ZNF385D: variants seen among roughly 807,000 people sequenced by gnomAD.
ZNF385D encodes the protein zinc finger protein 659.
In ZNF385D, 15 loss-of-function variants were observed where a neutral mutation model predicts 35.8. That is an observed-to-expected ratio of 0.42 (90% CI 0.28 to 0.64). The LOEUF (loss-of-function observed/expected upper bound fraction) is 0.64, where lower values mean the gene tolerates loss of function less well. Ranked by LOEUF, ZNF385D falls within the 30% of genes least tolerant of loss-of-function variation. The pLI, the probability that ZNF385D is intolerant of heterozygous loss-of-function variation, is 0.23. For synonymous variants in ZNF385D, 212 were observed against 186.8 expected (o/e 1.13, Z -1.10); for missense variants, 474 against 494.6 (o/e 0.96, Z 0.39).
chr3:22,117,654 A>G (rs1702881183), intron 3 of ZNF385D, among the ~76,000 whole-genome samples: 3 of 151,976 alleles, frequency 2.0e-5, no homozygotes, highest in African/African-American at 7.2e-5. Flanking sequence ...TTACTTTTAA[A>G]TAAACTTAAT....
intron 2 of ZNF385D, among the ~76,000 whole-genome samples, chr3:22,257,800 C>A (rs1449227406): frequency 2.6e-5 from 4 of 151,776 alleles, no homozygotes; most frequent in Admixed American, 1.3e-4. Context: ...TCTTATCAGG[C>A]ATGATTAAAA....
chr3:22,127,610 G>C (rs1038265556), intron 3 of ZNF385D, among the ~76,000 whole-genome samples: 2 of 151,886 alleles, frequency 1.3e-5, no homozygotes, highest in African/African-American at 4.8e-5. Flanking sequence ...AAAGTGCTAG[G>C]ATTACAGGCG....
At chr3:22,220,757 C>T (rs752903679) in intron 2 of ZNF385D, among the ~76,000 whole-genome samples, 104 of 152,112 alleles carry the variant, frequency 6.8e-4, no homozygotes, top group Non-Finnish European at 1.3e-3. Context: ...CTTCCATTTT[C>T]AACACAATCT....
At chr3:22,195,699 G>A (rs1696367651) in intron 2 of ZNF385D, among the ~76,000 whole-genome samples, 1 of 151,908 alleles carries the variant, frequency 6.6e-6, no homozygotes, top group African/African-American at 2.4e-5. Context: ...ACCAGCATTA[G>A]ATATTATTTA....
At chr3:22,111,726 T>C (rs565625803) in intron 3 of ZNF385D, among the ~76,000 whole-genome samples, 2 of 152,274 alleles carry the variant, frequency 1.3e-5, no homozygotes, top group Admixed American at 6.5e-5. Flanking sequence ...CGGATCAAAC[T>C]TTTATTTATT....
chr3:22,062,682 T>G (rs1472548799), intron 3 of ZNF385D, among the ~76,000 whole-genome samples: 1 of 152,216 alleles, frequency 6.6e-6, no homozygotes, highest in Non-Finnish European at 1.5e-5. Flanking sequence ...CTTAGTGACC[T>G]GCTTTTCAGG....
At chr3:22,090,636 G>T (rs1301809465) in intron 3 of ZNF385D, among the ~76,000 whole-genome samples, 1 of 152,142 alleles carries the variant, frequency 6.6e-6, no homozygotes, top group South Asian at 2.1e-4. Context: ...TACTTTGTGG[G>T]TTGAGTAAAT....
At chr3:21,621,875 G>C (rs2065017415) in intron 2 of ZNF385D, among the ~76,000 whole-genome samples, 1 of 151,718 alleles carries the variant, frequency 6.6e-6, no homozygotes. Context: ...CTGTGTGTGT[G>C]TGTGTGTGTG....
At chr3:21,669,479 CAG>C (rs1399086411) in intron 1 of ZNF385D, among the ~76,000 whole-genome samples, 3 of 152,106 alleles carry the variant, frequency 2.0e-5, no homozygotes. Flanking sequence ...AAAACAAAAA[CAG>C]AGTTACTAAT....
At chr3:21,782,126 A>G (rs1412793261) in intron 3 of ZNF385D, among the ~76,000 whole-genome samples, 1 of 152,006 alleles carries the variant, frequency 6.6e-6, no homozygotes. Context: ...AGCATAATTC[A>G]TTCAGAGACA....
intron 2 of ZNF385D, among the ~76,000 whole-genome samples, chr3:22,214,349 T>C (rs1697719891): frequency 6.6e-6 from 1 of 152,036 alleles, no homozygotes; most frequent in Admixed American, 6.6e-5. Flanking sequence ...ATAATTGCAT[T>C]AACTGCACAA....
Position 21,636,401 on chromosome 3 carries a change from TATATATATATATA to T in ZNF385D, c.165+28472_165+28484del, listed in dbSNP as rs1475496224. Reference sequence around the variant, plus strand: ...GATTATATATATATATATATATATATATATATATATATAGAGTTTCTTAAGGAGTATTAACTCA... The same window carrying T: ...GATTATATATATATATATATATATATGAGTTTCTTAAGGAGTATTAACTCA... On this transcript the variant is annotated intron_variant, in intron 2 of 7. Coordinates refer to ENST00000281523, the MANE Select transcript of ZNF385D (RefSeq NM_024697.3). Among the ~76,000 whole-genome samples the T allele has an allele frequency of 5.6e-3, 238 of 42,420 alleles. 5 individuals carry two copies. The highest frequency in any genetic ancestry group is 0.019 in the African/African-American group (185 of 9,816). The allele number at this position is 42,420 out of a possible 152,430, so 27.8% of individuals were successfully genotyped here.
chr3:21,492,545 G>A (rs1333031249), intron 4 of ZNF385D, among the ~76,000 whole-genome samples: 2 of 151,452 alleles, frequency 1.3e-5, no homozygotes, highest in Non-Finnish European at 1.5e-5. Flanking sequence ...CACTTTGGGA[G>A]GCCAAGAAAG....
intron 3 of ZNF385D, among the ~76,000 whole-genome samples, chr3:21,900,040 C>T (rs564108272): frequency 1.3e-5 from 2 of 152,108 alleles, no homozygotes; most frequent in Non-Finnish European, 2.9e-5. Flanking sequence ...TCAAAAAAAG[C>T]ACTTGAGAAA....
chr3:21,431,567 C>A (rs1351463833), intron 5 of ZNF385D, among the ~76,000 whole-genome samples: 1 of 152,108 alleles, frequency 6.6e-6, no homozygotes, highest in African/African-American at 2.4e-5. Context: ...ATTTAAATAG[C>A]CACCTGAGGC....
intron 1 of ZNF385D, among the ~76,000 whole-genome samples, chr3:21,724,344 G>A (rs1480906690): frequency 1.3e-5 from 2 of 151,560 alleles, no homozygotes; most frequent in Admixed American, 6.6e-5. Flanking sequence ...CCAATTAAAA[G>A]ACACACAATG....
At chr3:22,273,015 T>A (rs1318782582) in intron 2 of ZNF385D, among the ~76,000 whole-genome samples, 1 of 151,842 alleles carries the variant, frequency 6.6e-6, no homozygotes, top group Non-Finnish European at 1.5e-5. Context: ...GCTTTTATGC[T>A]ATAACTAGGA....
At chr3:22,060,676 A>G (rs1699643534) in intron 3 of ZNF385D, among the ~76,000 whole-genome samples, 1 of 152,142 alleles carries the variant, frequency 6.6e-6, no homozygotes, top group Non-Finnish European at 1.5e-5. Context: ...ATCTTAGAGC[A>G]TGAGGAAATG....
intron 2 of ZNF385D, among the ~76,000 whole-genome samples, chr3:22,225,112 A>C (rs931339866): frequency 6.6e-6 from 1 of 152,158 alleles, no homozygotes; most frequent in Non-Finnish European, 1.5e-5. Flanking sequence ...CTTTTACACA[A>C]AATTCCTGAC....
Sources: allele counts gnomAD v4.1 joint callset (sites outside exome capture counted in the v4.1 genomes callset), GRCh38; gene constraint gnomAD v4.1.1; transcripts MANE v1.5; gene names NCBI Gene and HGNC (gene_info 2026-07-23, HGNC 2026-07-21).